LDLRAD3: variants seen among roughly 807,000 people sequenced by gnomAD.
LDLRAD3 encodes low-density lipoprotein receptor class A domain-containing protein 3.
In LDLRAD3, 20 loss-of-function variants were observed where a neutral mutation model predicts 29.4. That is an observed-to-expected ratio of 0.68 (90% confidence interval 0.48 to 0.99). LDLRAD3 has a LOEUF of 0.99. LDLRAD3 is among the 50% of genes least tolerant of loss of function. The pLI is 0.00. For synonymous variants in LDLRAD3, 157 were observed against 192.7 expected (o/e 0.81, Z 1.53); for missense variants, 420 against 454.3 (o/e 0.92, Z 0.69).
chr11:36,170,183 T>TG (rs1304417157), intron 4 of LDLRAD3, among the ~76,000 whole-genome samples: 1 of 151,908 alleles, frequency 6.6e-6, no homozygotes, highest in African/African-American at 2.4e-5. Context: ...TCCAGGTTGT[T>TG]GCATATGCCA....
chr11:36,014,905 G>A (rs1852001800), intron 1 of LDLRAD3, among the ~76,000 whole-genome samples: 1 of 152,142 alleles, frequency 6.6e-6, no homozygotes, highest in African/African-American at 2.4e-5. Flanking sequence ...AAGAAGGGGG[G>A]AGCCCCCAGA....
intron 2 of LDLRAD3, among the ~76,000 whole-genome samples, chr11:36,060,311 G>A (rs1043365236): frequency 4.9e-5 from 7 of 142,840 alleles, no homozygotes; most frequent in Non-Finnish European, 1.0e-4. Context: ...CTGAGATTGC[G>A]CCACTGCACT....
intron 1 of LDLRAD3, among the ~76,000 whole-genome samples, chr11:36,000,267 A>G (rs1400384386): frequency 1.3e-5 from 2 of 148,636 alleles, no homozygotes. Context: ...ATAGTGTAAT[A>G]TATGTATATA....
chr11:36,098,285 T>G, intron 3 of LDLRAD3, 42 bp from the exon 4 acceptor site: 1 of 1,611,432 alleles, frequency 6.2e-7, no homozygotes, highest in Non-Finnish European at 8.5e-7. Flanking sequence ...CCAAGGGAAC[T>G]TGCTGGCCTC....
At chr11:36,033,612 C>T (rs1852267564) in intron 1 of LDLRAD3, among the ~76,000 whole-genome samples, 2 of 152,240 alleles carry the variant, frequency 1.3e-5, no homozygotes, top group Admixed American at 6.5e-5. Flanking sequence ...CCCTTACATT[C>T]CAGGCCCCTG....
In LDLRAD3 at chr11:36,151,738, G is replaced by A. The variant is rs1469564719; in HGVS notation, c.454+53277G>A. On this transcript the variant is annotated intron_variant, in intron 4 of 5. Transcript: ENST00000315571. ...TGCCAGTTACACATCAGTGTCTGTA[G>A]TAGAGACCCTGGCGCTAGCATGAAT... Among the ~76,000 whole-genome samples the A allele has an allele frequency of 2.0e-5, 3 of 152,196 alleles. 1 individual carries two copies. Among genetic ancestry groups the A allele is most frequent in the Non-Finnish European group, 4.4e-5 (3 of 68,044 alleles).
In LDLRAD3 at chr11:36,063,727, AG is replaced by A. The variant is rs541268978; in HGVS notation, c.194-17924del. 1.4e-4 allele frequency among the ~76,000 whole-genome samples: 22 copies of A among 152,314 alleles called. 1 individual carries two copies. The South Asian group carries it at 4.6e-3, about 32-fold the overall frequency. Reference sequence around the variant, plus strand: ...AAAAATCAATTGACTAGAAAAGTAAAGGTTTGTTTCTAGACACTCAATTTTA... The same window carrying A: ...AAAAATCAATTGACTAGAAAAGTAAAGTTTGTTTCTAGACACTCAATTTTA... On this transcript the variant is annotated intron_variant, in intron 2 of 5. Coordinates refer to ENST00000315571, the MANE Select transcript of LDLRAD3 (RefSeq NM_174902.4).
chr11:35,986,107 T>C (rs561346960), intron 1 of LDLRAD3, among the ~76,000 whole-genome samples: 1 of 151,952 alleles, frequency 6.6e-6, no homozygotes, highest in East Asian at 1.9e-4. Context: ...ATTTGTTGGA[T>C]CCAGGAAGAT....
Position 36,002,358 on chromosome 11 carries a change from C to T in LDLRAD3, c.47-33745C>T, listed in dbSNP as rs1034679423. ...GCTGCCTGGCACTGGCCCCGTAGGTCAGGAGCCTGGAGCTCACTGCTTTGT... is the reference window on the plus strand; with the variant it reads ...GCTGCCTGGCACTGGCCCCGTAGGTTAGGAGCCTGGAGCTCACTGCTTTGT... On this transcript the variant is annotated intron_variant, in intron 1 of 5. Transcript: ENST00000315571. 3.9e-5 allele frequency among the ~76,000 whole-genome samples: 6 copies of T among 152,240 alleles called. No homozygotes were observed. In the South Asian group the frequency reaches 8.3e-4, roughly 21 times the overall value.
chr11:35,969,905 TAA>T (rs1260050408), intron 1 of LDLRAD3, among the ~76,000 whole-genome samples: 2 of 152,242 alleles, frequency 1.3e-5, no homozygotes, highest in South Asian at 2.1e-4. Flanking sequence ...TTGTTTATTT[TAA>T]AAGTCTTAAT....
intron 1 of LDLRAD3, among the ~76,000 whole-genome samples, chr11:35,998,041 C>T (rs1851777423): frequency 6.6e-6 from 1 of 152,208 alleles, no homozygotes; most frequent in African/African-American, 2.4e-5. Context: ...CAGCCAGGGA[C>T]AGGGTCAGGG....
intron 1 of LDLRAD3, among the ~76,000 whole-genome samples, chr11:35,959,516 T>C (rs1590684626): frequency 6.6e-6 from 1 of 152,230 alleles, no homozygotes; most frequent in Admixed American, 6.5e-5. Context: ...AATTATTGAA[T>C]CTTCCGAATA....
chr11:36,189,768 AT>A (rs1854912204), intron 4 of LDLRAD3, among the ~76,000 whole-genome samples: 1 of 147,454 alleles, frequency 6.8e-6, no homozygotes, highest in African/African-American at 2.5e-5. Flanking sequence ...GTGATGTTCC[AT>A]TTCCTGTGTC....
chr11:36,047,365 C>G (rs1852465624), intron 2 of LDLRAD3, among the ~76,000 whole-genome samples: 1 of 152,136 alleles, frequency 6.6e-6, no homozygotes, highest in Non-Finnish European at 1.5e-5. Context: ...TCTAAGGCCT[C>G]CAGTGTTTTT....
At chr11:35,964,369 G>A (rs901465366) in intron 1 of LDLRAD3, among the ~76,000 whole-genome samples, 4 of 152,190 alleles carry the variant, frequency 2.6e-5, no homozygotes, top group African/African-American at 7.2e-5. Flanking sequence ...TGGGACTTGG[G>A]TGAGAGCGAG....
intron 2 of LDLRAD3, among the ~76,000 whole-genome samples, chr11:36,077,885 G>A (rs1322333576): frequency 1.3e-5 from 2 of 152,136 alleles, no homozygotes; most frequent in East Asian, 3.8e-4. Context: ...TTTTAGCCTT[G>A]CCATTCAGTG....
intron 4 of LDLRAD3, among the ~76,000 whole-genome samples, chr11:36,101,260 A>G (rs969872254): frequency 3.3e-5 from 5 of 152,208 alleles, no homozygotes; most frequent in African/African-American, 7.2e-5. Context: ...GAGCTACCCA[A>G]GAAGAGTAAC....
At chr11:36,087,766 C>A (rs1308492066) in intron 3 of LDLRAD3, among the ~76,000 whole-genome samples, 1 of 151,784 alleles carries the variant, frequency 6.6e-6, no homozygotes. Context: ...GGCTGGAGTG[C>A]AGTAGTACGA....
intron 1 of LDLRAD3, among the ~76,000 whole-genome samples, chr11:35,947,536 A>G (rs263100): frequency 0.06 from 9,072 of 151,898 alleles, 611 homozygotes; most frequent in African/African-American, 0.17. Context: ...GGCCTTTACA[A>G]CCTTGCCTGT....
Sources: gnomAD v4.1 joint callset for allele counts (sites outside exome capture counted in the v4.1 genomes callset) on GRCh38, gnomAD v4.1.1 for gene constraint, MANE v1.5 for transcripts, NCBI Gene and HGNC (gene_info 2026-07-23, HGNC 2026-07-21) for gene names.